The following RIN2 variants were observed in gnomAD, a reference collection of about 807,000 sequenced individuals.
The protein encoded by RIN2 is RAB5 interacting protein 2.
RIN2 carries 36 observed loss-of-function variants against 78.0 expected under a neutral mutation model. The observed-to-expected ratio is 0.46, with a 90% CI of 0.35 to 0.61. RIN2 has a LOEUF of 0.61. RIN2 is among the 20% of genes least tolerant of loss of function. RIN2 has a pLI of 0.00. For missense variants in RIN2, 1,087 were observed against 1,159.7 expected, an observed-to-expected ratio of 0.94 and a Z score of 0.91; for synonymous variants, 466 against 466.8, an observed-to-expected ratio of 1.00 and a Z score of 0.02.
intron 1 of RIN2, among the ~76,000 whole-genome samples, chr20:19,774,564 A>G (rs2034246291): frequency 6.6e-6 from 1 of 152,222 alleles, no homozygotes. Flanking sequence ...AAATGCCTTG[A>G]GAAAATTATT....
At chr20:19,818,539 CT>C (rs1316769906) in intron 2 of RIN2, among the ~76,000 whole-genome samples, 2 of 152,126 alleles carry the variant, frequency 1.3e-5, no homozygotes, top group African/African-American at 4.8e-5. Context: ...TGAGACCAGT[CT>C]GACCAACATG....
At chr20:19,868,299 C>A (rs530791336) in intron 2 of RIN2, among the ~76,000 whole-genome samples, 1 of 152,250 alleles carries the variant, frequency 6.6e-6, no homozygotes, top group African/African-American at 2.4e-5. Context: ...GGGACATACG[C>A]GCTTTCCACC....
At position 20,000,883 on chromosome 20, in the gene RIN2, G is replaced by A. The variant is rs200150633; in HGVS notation, c.2635G>A (p.Asp879Asn). Residue 879 changes from aspartate to asparagine, a missense_variant, in exon 13 of 13, where the codon GAT becomes AAT. Around this residue, in one of 8 missense-constraint regions of RIN2, gnomAD observed 160 missense variants for 179.4 expected, o/e 0.89. Coordinates refer to ENST00000255006, the MANE Select transcript of RIN2 (RefSeq NM_018993.4). ...FHFVYKRIKN[D>N]PYGIIFQNGE... ...CTTTGTCTACAAACGCATCAAGAACGATCCTTATGGCATCATTTTCCAGAA... is the reference window on the plus strand; with the variant it reads ...CTTTGTCTACAAACGCATCAAGAACAATCCTTATGGCATCATTTTCCAGAA... The A allele has an allele frequency of 1.9e-4, 306 of 1,613,696 alleles. No individual in the cohort carries two copies. Among genetic ancestry groups the A allele is most frequent in the Non-Finnish European group, 2.4e-4 (285 of 1,179,798 alleles).
intron 1 of RIN2, 48 bp downstream of exon 1, chr20:19,758,375 G>T (rs1233511160): frequency 6.6e-6 from 1 of 152,284 alleles, no homozygotes; most frequent in Non-Finnish European, 1.5e-5. Context: ...CCCGCACCTA[G>T]AGAGCCCGGA....
intron 2 of RIN2, among the ~76,000 whole-genome samples, chr20:19,865,191 A>T (rs2037464539): frequency 6.6e-6 from 1 of 152,222 alleles, no homozygotes; most frequent in Non-Finnish European, 1.5e-5. Context: ...GGCAGAGTTA[A>T]GGAGAGATGC....
intron 2 of RIN2, among the ~76,000 whole-genome samples, chr20:19,835,949 C>T (rs6035454): frequency 0.062 from 9,452 of 152,234 alleles, 317 homozygotes; most frequent in South Asian, 0.16. Context: ...ACACATTCCT[C>T]TGAGCTCTGG....
At chr20:19,982,492 A>C (rs1271592271) in intron 9 of RIN2, among the ~76,000 whole-genome samples, 1 of 152,174 alleles carries the variant, frequency 6.6e-6, no homozygotes, top group Admixed American at 6.6e-5. Context: ...CTCTGCTCAC[A>C]TAAGATAGAG....
intron 2 of RIN2, among the ~76,000 whole-genome samples, chr20:19,877,054 TCAGCAAAAGCACTTA>T (rs1210471813): frequency 6.6e-6 from 1 of 152,204 alleles, no homozygotes; most frequent in Non-Finnish European, 1.5e-5. Flanking sequence ...TTTACTGATT[TCAGCAAAAGCACTTA>T]CAGCCTTCTG....
chr20:19,826,551 C>T (rs1220306199), intron 2 of RIN2, among the ~76,000 whole-genome samples: 1 of 152,166 alleles, frequency 6.6e-6, no homozygotes, highest in African/African-American at 2.4e-5. Flanking sequence ...AAGGAAAATT[C>T]ACAATCCTGT....
intron 2 of RIN2, among the ~76,000 whole-genome samples, chr20:19,862,936 C>T (rs2037391207): frequency 6.6e-6 from 1 of 152,210 alleles, no homozygotes; most frequent in South Asian, 2.1e-4. Context: ...ATCTGCCCTC[C>T]AGCGTGGAGC....
Position 19,935,167 on chromosome 20 carries a change from G to A in RIN2, c.126G>A (p.Leu42=). 6.2e-7 allele frequency: 1 copy of A among 1,603,782 alleles called. No individual in the cohort carries two copies. The highest frequency in any genetic ancestry group is 8.5e-7 in the Non-Finnish European group (1 of 1,175,072). ...AGATGGTGCGGACAGATGTCAACCT[G>A]GAAAATGGCCTGGAACCCGCTGAAA... The part of the protein sequence containing the change: ...KQEMVRTDVN[L]ENGLEPAETH... Residue 42 remains leucine (L), a synonymous_variant, in exon 4 of 13, where the codon CTG becomes CTA. Coordinates refer to ENST00000255006, the MANE Select transcript of RIN2 (RefSeq NM_018993.4).
intron 1 of RIN2, among the ~76,000 whole-genome samples, chr20:19,793,801 G>C (rs1158958433): frequency 6.6e-6 from 1 of 152,192 alleles, no homozygotes. Flanking sequence ...AAAGCTGTGG[G>C]GAAAGACTGG....
intron 3 of RIN2, among the ~76,000 whole-genome samples, chr20:19,924,348 A>C (rs866456517): frequency 6.9e-4 from 5 of 7,252 alleles, no homozygotes; most frequent in Non-Finnish European, 9.9e-4. Flanking sequence ...TTCATACCCC[A>C]CCTCTTCATA....
intron 3 of RIN2, among the ~76,000 whole-genome samples, chr20:19,897,038 T>C (rs753716806): frequency 2.6e-5 from 4 of 152,338 alleles, no homozygotes; most frequent in East Asian, 3.9e-4. Flanking sequence ...ACATGTATTA[T>C]TCCATGTCTT....
intron 3 of RIN2, among the ~76,000 whole-genome samples, chr20:19,906,371 C>T (rs546347946): frequency 7.9e-5 from 12 of 152,270 alleles, no homozygotes; most frequent in African/African-American, 1.4e-4. Context: ...ATTGCTTGAG[C>T]CCAGGAGGTT....
intron 2 of RIN2, among the ~76,000 whole-genome samples, chr20:19,856,516 G>A (rs560876727): frequency 5.5e-4 from 81 of 147,438 alleles, no homozygotes; most frequent in African/African-American, 2.0e-3. Context: ...CTGGGAGAGA[G>A]AGTGAGACTT....
Position 19,975,391 on chromosome 20 carries a change from G to T in RIN2, c.1366G>T (p.Asp456Tyr). 1 of 1,614,040 alleles carries T rather than the reference G, an allele frequency of 6.2e-7. No individual in the cohort carries two copies. The highest frequency in any genetic ancestry group is 1.1e-5 in the South Asian group (1 of 91,088). ...CATGCCTCTGTTTGGCTACGAGGCG[G>T]ACACCAACAGCAGCCTGGAGGACTA... is the stretch of plus-strand genomic sequence containing the variant. Reference protein sequence around the residue: ...RSMPLFGYEADTNSSLEDYEG... With the variant: ...RSMPLFGYEAYTNSSLEDYEG... Residue 456 changes from aspartate to tyrosine, a missense_variant, in exon 9 of 13, where the codon GAC becomes TAC. Physicochemically the swap from Asp to Tyr is radical, Grantham distance 160 (BLOSUM62 -3). Transcript: ENST00000255006. This position sits in a 1 kb window ranked among gnomAD's most constrained non-coding sequence, Gnocchi z 4.9.
rs776841443 is a variant in RIN2, at chr20:19,964,973, G to A, written c.485G>A (p.Gly162Glu). The A allele has an allele frequency of 6.2e-6, 10 of 1,613,618 alleles. No individual in the cohort carries two copies. Among genetic ancestry groups the A allele is most frequent in the Non-Finnish European group, 8.5e-6 (10 of 1,179,812 alleles). Residue 162 changes from glycine to glutamate, a missense_variant, in exon 7 of 13, where the codon GGA becomes GAA. Gly to Glu is a moderately conservative substitution (Grantham distance 98). Coordinates refer to ENST00000255006, the MANE Select transcript of RIN2 (RefSeq NM_018993.4). The part of the protein sequence containing the change: ...STYTFSLEGS[G>E]ISFADLFRLI... ...CCAGCCTTTTCCCTGGAAGGCTCAG[G>A]AATCAGTTTCGCAGATTTATTCCGG...
chr20:20,000,038 A>G (rs1200342042), intron 12 of RIN2, among the ~76,000 whole-genome samples: 2 of 152,200 alleles, frequency 1.3e-5, no homozygotes, highest in African/African-American at 4.8e-5. Context: ...GTTTGTCAAA[A>G]GTGAACACAA....
Sources: allele counts gnomAD v4.1 joint callset (sites outside exome capture counted in the v4.1 genomes callset), GRCh38; gene constraint gnomAD v4.1.1; regional missense constraint gnomAD v4.1.1; non-coding constraint Gnocchi (gnomAD v3.1); transcripts MANE v1.5; gene names NCBI Gene and HGNC (gene_info 2026-07-23, HGNC 2026-07-21).